The following IFT80 variants were observed in gnomAD, a reference collection of about 807,000 sequenced individuals.
The protein encoded by IFT80 is intraflagellar transport 80, also known as intraflagellar transport protein 80 homolog.
IFT80 carries 79 observed loss-of-function variants against 107.9 expected under a neutral mutation model. The observed-to-expected ratio is 0.73, with a 90% CI of 0.61 to 0.88. The LOEUF is 0.88. IFT80 is among the 40% of genes least tolerant of loss of function. IFT80 has a pLI of 0.00. For missense variants in IFT80, 797 were observed against 914.2 expected (o/e 0.87, Z 1.65); for synonymous variants, 299 against 300.9 (o/e 0.99, Z 0.07).
chr3:160,261,590 A>C (rs1712836274), intron 19 of IFT80, among the ~76,000 whole-genome samples: 1 of 150,752 alleles, frequency 6.6e-6, no homozygotes, highest in Admixed American at 6.7e-5. Flanking sequence ...GCTTGAGCCC[A>C]GGAGTTCAAG....
chr3:160,337,703 T>C (rs1719602621), intron 8 of IFT80, among the ~76,000 whole-genome samples: 1 of 152,214 alleles, frequency 6.6e-6, no homozygotes, highest in South Asian at 2.1e-4. Context: ...TATTAACCTA[T>C]TGTCTTCTGA....
At chr3:160,352,003 A>G (rs1366737556) in intron 8 of IFT80, among the ~76,000 whole-genome samples, 1 of 151,220 alleles carries the variant, frequency 6.6e-6, no homozygotes, top group Non-Finnish European at 1.5e-5. Flanking sequence ...AGTGGCAGAC[A>G]TAACACAATA....
At chr3:160,339,499 T>C (rs1424652817) in intron 8 of IFT80, among the ~76,000 whole-genome samples, 1 of 152,214 alleles carries the variant, frequency 6.6e-6, no homozygotes, top group Non-Finnish European at 1.5e-5. Context: ...TTATCCTGTA[T>C]ATCTAATTAA....
At chr3:160,385,496 G>A (rs942964371) in intron 1 of IFT80, among the ~76,000 whole-genome samples, 4 of 152,158 alleles carry the variant, frequency 2.6e-5, no homozygotes, top group Admixed American at 2.0e-4. Context: ...CTACATCAAA[G>A]GAGGTACTGA....
intron 18 of IFT80, among the ~76,000 whole-genome samples, chr3:160,276,393 T>C (rs776765503): frequency 6.6e-6 from 1 of 152,196 alleles, no homozygotes; most frequent in Non-Finnish European, 1.5e-5. Flanking sequence ...ATAAAATATC[T>C]ATAGAAATTC....
intron 9 of IFT80, among the ~76,000 whole-genome samples, chr3:160,312,900 TATATAATAAATATATATTATATATAA>T (rs1717462390): frequency 2.8e-5 from 1 of 35,464 alleles, no homozygotes; most frequent in African/African-American, 9.9e-5. Flanking sequence ...AAATATATAA[TATATAATAAATATATATTATATATAA>T]ATATATAATA....
chr3:160,260,091 A>G lies in IFT80; in HGVS notation c.2224-1456T>C, dbSNP rs79348804. Among the ~76,000 whole-genome samples, 13 of 152,278 alleles carry G rather than the reference A, an allele frequency of 8.5e-5. No individual in the cohort carries two copies. In the East Asian group the frequency reaches 2.5e-3, roughly 29 times the overall value. On this transcript the variant is annotated intron_variant, in intron 19 of 19. Transcript: ENST00000326448. ...GTATTTTTTTTAATTCCAATATCCCATACCTGAATTGCTGTGAAGCAATTT... is the reference window on the plus strand; with the variant it reads ...GTATTTTTTTTAATTCCAATATCCCGTACCTGAATTGCTGTGAAGCAATTT...
intron 8 of IFT80, among the ~76,000 whole-genome samples, chr3:160,325,695 T>A (rs1383676298): frequency 1.3e-5 from 2 of 152,110 alleles, no homozygotes; most frequent in East Asian, 3.8e-4. Flanking sequence ...GAGACCCAAA[T>A]CTAAACACGA....
intron 8 of IFT80, among the ~76,000 whole-genome samples, chr3:160,328,113 T>C (rs1010380784): frequency 1.4e-4 from 21 of 152,036 alleles, no homozygotes; most frequent in Admixed American, 1.4e-3. Context: ...ATTGGAGAAA[T>C]GCAAATCAAA....
chr3:160,350,788 C>G (rs547508841), intron 8 of IFT80, among the ~76,000 whole-genome samples: 1 of 151,960 alleles, frequency 6.6e-6, no homozygotes, highest in South Asian at 2.1e-4. Context: ...GCACTCCAGC[C>G]TGGCGACAGA....
intron 1 of IFT80, among the ~76,000 whole-genome samples, chr3:160,396,129 T>C (rs763574913): frequency 1.3e-5 from 2 of 152,010 alleles, no homozygotes; most frequent in Non-Finnish European, 2.9e-5. Flanking sequence ...AATAAAAACA[T>C]ACTTATCTTT....
At chr3:160,298,349 C>T (rs1716150225) in intron 12 of IFT80, among the ~76,000 whole-genome samples, 1 of 152,066 alleles carries the variant, frequency 6.6e-6, no homozygotes. Context: ...AAAATATTTT[C>T]CCCTCATTTT....
intron 9 of IFT80, among the ~76,000 whole-genome samples, chr3:160,312,352 G>C (rs1446101488): frequency 2.6e-5 from 4 of 151,096 alleles, no homozygotes; most frequent in African/African-American, 9.7e-5. Flanking sequence ...CTACCTCATA[G>C]ACCCCCAGGC....
At chr3:160,397,713 ATAC>A (rs1713895355) in intron 1 of IFT80, among the ~76,000 whole-genome samples, 1 of 127,352 alleles carries the variant, frequency 7.9e-6, no homozygotes, top group South Asian at 2.3e-4. Context: ...AATTTGGTCT[ATAC>A]TTTTTTTTTT....
intron 8 of IFT80, among the ~76,000 whole-genome samples, chr3:160,345,081 C>T (rs886899049): frequency 2.6e-5 from 4 of 152,144 alleles, no homozygotes; most frequent in Admixed American, 2.6e-4. Context: ...CAAGCAATCC[C>T]ACTGCTAGGT....
At chr3:160,298,355 A>T (rs914155695) in intron 12 of IFT80, among the ~76,000 whole-genome samples, 9 of 152,142 alleles carry the variant, frequency 5.9e-5, no homozygotes, top group Non-Finnish European at 1.0e-4. Flanking sequence ...TTTTCCCCTC[A>T]TTTTAAGTTC....
At chr3:160,356,222 T>C in intron 7 of IFT80, 72 bp from the exon 8 acceptor site, 1 of 1,248,236 alleles carries the variant, frequency 8.0e-7, no homozygotes, top group Non-Finnish European at 1.1e-6. Flanking sequence ...GAAAAATAAA[T>C]AAATAAAATA....
intron 12 of IFT80, among the ~76,000 whole-genome samples, chr3:160,298,312 G>T (rs2108263639): frequency 6.6e-6 from 1 of 152,116 alleles, no homozygotes; most frequent in South Asian, 2.1e-4. Context: ...ATCAATAAAT[G>T]CTAATTTTTT....
In IFT80 at chr3:160,270,221, C is replaced by G. The variant is rs567914728; in HGVS notation, c.2100-1685G>C. On this transcript the variant is annotated intron_variant, in intron 18 of 19. Coordinates refer to ENST00000326448, the MANE Select transcript of IFT80 (RefSeq NM_020800.3). Reference sequence around the variant, plus strand: ...TCACCACATTGGCCAGGCTGGTCTTCAACTCCTGACCTCAAGTGATCTGCC... The same window carrying G: ...TCACCACATTGGCCAGGCTGGTCTTGAACTCCTGACCTCAAGTGATCTGCC... Among the ~76,000 whole-genome samples the G allele has an allele frequency of 1.2e-4, 18 of 152,274 alleles. No homozygotes were observed. The South Asian group carries it at 3.5e-3, about 30-fold the overall frequency.
Sources: gnomAD v4.1 joint callset for allele counts (sites outside exome capture counted in the v4.1 genomes callset) on GRCh38, gnomAD v4.1.1 for gene constraint, MANE v1.5 for transcripts, NCBI Gene and HGNC (gene_info 2026-07-23, HGNC 2026-07-21) for gene names.